Variants in CDH23 observed in about 807,000 individuals in gnomAD.
The protein encoded by CDH23 is cadherin-23.
A neutral mutation model predicts 317.1 loss-of-function variants in CDH23; 189 were observed. The ratio of observed to expected loss-of-function variants is 0.60; its 90% confidence interval spans 0.53 to 0.67. The LOEUF (loss-of-function observed/expected upper bound fraction) is 0.67, where lower values mean the gene tolerates loss of function less well. Among genes scored for constraint, CDH23 ranks in the 30% least tolerant of loss-of-function variants. The pLI, the probability that CDH23 is intolerant of heterozygous loss-of-function variation, is 0.00. For synonymous variants in CDH23, 1,839 were observed against 1,876.8 expected (o/e 0.98, Z 0.52); for missense variants, 4,401 against 4,592.4 (o/e 0.96, Z 1.20).
chr10:71,516,787 G>A lies in CDH23; in HGVS notation c.429+5575G>A, dbSNP rs796907337. Reference sequence around the variant, plus strand: ...TTAGGAGGCAGGCCTGGGGTGGCACGACTTTTTGACATGTAGCTTCACTTC... The same window carrying A: ...TTAGGAGGCAGGCCTGGGGTGGCACAACTTTTTGACATGTAGCTTCACTTC... On this transcript the variant is annotated intron_variant, in intron 6 of 69. Coordinates refer to ENST00000224721, the MANE Select transcript of CDH23 (RefSeq NM_022124.6). 1.6e-4 allele frequency among the ~76,000 whole-genome samples: 24 copies of A among 152,306 alleles called. 1 individual carries two copies. Among genetic ancestry groups the A allele is most frequent in the African/African-American group, 4.8e-4 (20 of 41,560 alleles).
At chr10:71,752,934 G>A (rs369439268) in intron 38 of CDH23, 174 of 1,606,766 alleles carry the variant, frequency 1.1e-4, no homozygotes, top group African/African-American at 2.3e-4. Context: ...CTGGATAGCC[G>A]GCCCAGGAAG....
chr10:71,520,267 G>A (rs1056812311), intron 6 of CDH23, among the ~76,000 whole-genome samples: 1 of 152,222 alleles, frequency 6.6e-6, no homozygotes, highest in Non-Finnish European at 1.5e-5. Context: ...GTCAGGAAAT[G>A]TGTGGGAAAC....
At chr10:71,528,320 C>T (rs1855158450) in intron 6 of CDH23, among the ~76,000 whole-genome samples, 1 of 152,122 alleles carries the variant, frequency 6.6e-6, no homozygotes, top group Non-Finnish European at 1.5e-5. Context: ...ATGGGTCAAT[C>T]AAATTCTAAC....
intron 28 of CDH23, chr10:71,713,049 G>A (rs1164450746): frequency 1.4e-6 from 1 of 736,626 alleles, no homozygotes; most frequent in Non-Finnish European, 2.5e-6. Flanking sequence ...CCACAAACAG[G>A]AGGAAGACTT....
intron 6 of CDH23, among the ~76,000 whole-genome samples, chr10:71,564,293 C>T (rs963889197): frequency 7.2e-5 from 11 of 152,350 alleles, no homozygotes; most frequent in South Asian, 6.2e-4. Flanking sequence ...GCCCCTCCTT[C>T]CCCGCATCTA....
rs56145847 is a variant in CDH23, at chr10:71,790,473, T to A, written c.6049+60T>A. On this transcript the variant is annotated intron_variant, in intron 46 of 69. Coordinates refer to ENST00000224721, the MANE Select transcript of CDH23 (RefSeq NM_022124.6). ...GATTCTGGGGTGGGGATGGCCACAC[T>A]GCTGGATTGAGGGCCTCCCTTCTCA... The A allele has an allele frequency of 1.9e-3, 3,020 of 1,586,878 alleles. 10 individuals are homozygous for A. Among genetic ancestry groups the A allele is most frequent in the South Asian group, 2.5e-3 (219 of 87,640 alleles).
chr10:71,596,309 G>T (rs1156755249), intron 9 of CDH23, among the ~76,000 whole-genome samples: 2 of 152,154 alleles, frequency 1.3e-5, no homozygotes, highest in African/African-American at 4.8e-5. Flanking sequence ...TAAGGAAATT[G>T]AGGCTCAGAA....
At chr10:71,423,509 A>G (rs1589287228) in intron 1 of CDH23, among the ~76,000 whole-genome samples, 1 of 152,114 alleles carries the variant, frequency 6.6e-6, no homozygotes, top group Non-Finnish European at 1.5e-5. Flanking sequence ...AGCACAGTTT[A>G]GGGGGAGGTT....
At chr10:71,813,381 G>A in intron 69 of CDH23, 33 bp downstream of exon 69, 1 of 1,510,758 alleles carries the variant, frequency 6.6e-7, no homozygotes, top group Non-Finnish European at 9.0e-7. Context: ...GCTGTGTGCT[G>A]TGCCCCAGCC....
rs2132984797 is a variant in CDH23 at position 71,806,170 on chromosome 10, C to T, written c.8067C>T (p.Leu2689=). The T allele has an allele frequency of 6.4e-7, 1 of 1,561,360 alleles. No homozygotes were observed. The highest frequency in any genetic ancestry group is 8.7e-7 in the Non-Finnish European group (1 of 1,153,202). ...LDRESQAVYS[L]ILVASDLGQP... is the part of the protein sequence containing the mutation. ...TGACTGTGCTCTTCCGCTCCTAGCT[C>T]ATCTTGGTGGCCAGCGACCTGGGCC... The change falls in exon 57 of 70, where the codon CTC becomes CTT. Residue 2689 remains leucine (L), a splice_region_variant and synonymous_variant. Coordinates refer to ENST00000224721, the MANE Select transcript of CDH23 (RefSeq NM_022124.6).
chr10:71,700,954 G>A (rs1332157006), intron 22 of CDH23, among the ~76,000 whole-genome samples: 1 of 152,192 alleles, frequency 6.6e-6, no homozygotes, highest in African/African-American at 2.4e-5. Flanking sequence ...TAAGATGAAG[G>A]AGCTGACAAG....
At chr10:71,439,143 T>G (rs897176534) in intron 1 of CDH23, among the ~76,000 whole-genome samples, 1 of 152,210 alleles carries the variant, frequency 6.6e-6, no homozygotes, top group Non-Finnish European at 1.5e-5. Context: ...CACTAGAGCT[T>G]AGCTCTGAGC....
intron 1 of CDH23, among the ~76,000 whole-genome samples, chr10:71,435,045 C>T (rs1849558659): frequency 6.6e-6 from 1 of 152,194 alleles, no homozygotes; most frequent in African/African-American, 2.4e-5. Flanking sequence ...TATCAGGCGC[C>T]TCTGCAGGAC....
chr10:71,615,524 G>T lies in CDH23; in HGVS notation c.853G>T (p.Ala285Ser). ...TGCAGGGAATACCAACAGCATCTTTGCCCTGGACTACATCAGCGGAGTGCT... is the reference window on the plus strand; with the variant it reads ...TGCAGGGAATACCAACAGCATCTTTTCCCTGGACTACATCAGCGGAGTGCT... ...IVSGNTNSIFALDYISGVLTL... is the reference protein window; with the variant it reads ...IVSGNTNSIFSLDYISGVLTL... The change falls in exon 10 of 70, where the codon GCC (alanine) becomes TCC (serine). Residue 285 changes from alanine (A) to serine (S), a missense_variant. Ala to Ser is a moderately conservative substitution (Grantham distance 99). This residue lies in a region of CDH23 where 3,068 missense variants were observed against 3,203.3 expected (regional missense o/e 0.96). Coordinates refer to ENST00000224721, the MANE Select transcript of CDH23 (RefSeq NM_022124.6). The T allele has an allele frequency of 6.2e-7, 1 of 1,612,602 alleles. No individual in the cohort carries two copies. Among genetic ancestry groups the T allele is most frequent in the African/African-American group, 1.3e-5 (1 of 74,566 alleles).
intron 9 of CDH23, among the ~76,000 whole-genome samples, chr10:71,610,163 C>T (rs895207771): frequency 2.0e-5 from 3 of 152,030 alleles, no homozygotes; most frequent in African/African-American, 7.3e-5. Flanking sequence ...GCCAGCATGC[C>T]CGGCTAATTT....
intron 6 of CDH23, among the ~76,000 whole-genome samples, chr10:71,560,038 C>T (rs1396605224): frequency 6.6e-6 from 1 of 152,148 alleles, no homozygotes; most frequent in Non-Finnish European, 1.5e-5. Flanking sequence ...GCTCAAGTGC[C>T]TTCCTGCCTA....
intron 1 of CDH23, among the ~76,000 whole-genome samples, chr10:71,406,016 T>TA (rs1413710507): frequency 1.9e-5 from 1 of 53,666 alleles, no homozygotes; most frequent in African/African-American, 9.0e-5. Context: ...AAAAAGCAGG[T>TA]AATTTTTTTT....
chr10:71,560,113 A>G (rs1340571998), intron 6 of CDH23, among the ~76,000 whole-genome samples: 2 of 152,204 alleles, frequency 1.3e-5, no homozygotes, highest in East Asian at 1.9e-4. Flanking sequence ...CTGCTCCCCC[A>G]TAAGCTGGAA....
intron 50 of CDH23, 28 bp downstream of exon 50, chr10:71,798,606 C>A (rs1841471286): frequency 6.5e-7 from 1 of 1,540,704 alleles, no homozygotes; most frequent in Non-Finnish European, 8.8e-7. Flanking sequence ...CAGAGGAGGG[C>A]TGGGGGACAT....
Sources: gnomAD v4.1 joint callset for allele counts (sites outside exome capture counted in the v4.1 genomes callset) on GRCh38, gnomAD v4.1.1 for gene constraint, gnomAD v4.1.1 regional missense constraint, MANE v1.5 for transcripts, NCBI Gene and HGNC (gene_info 2026-07-23, HGNC 2026-07-21) for gene names.